The following NT5C2 variants were observed in gnomAD, a reference collection of about 807,000 sequenced individuals.
NT5C2 encodes the protein cytosolic purine 5'-nucleotidase.
Under a neutral mutation model 76.1 loss-of-function variants are expected in NT5C2, and 58 were observed. That is an observed-to-expected ratio of 0.76 (90% CI 0.62 to 0.95). The LOEUF is 0.95. NT5C2 is among the 40% of genes least tolerant of loss of function. The probability of loss-of-function intolerance (pLI) is 0.00; values close to 1 mark genes in which losing one functional copy is unlikely to be tolerated. For missense variants in NT5C2, 478 were observed against 690.3 expected, an observed-to-expected ratio of 0.69 and a Z score of 3.45; for synonymous variants, 229 against 237.4, an observed-to-expected ratio of 0.96 and a Z score of 0.32.
At chr10:103,124,676 G>A (rs1486720126) in intron 4 of NT5C2, among the ~76,000 whole-genome samples, 1 of 151,710 alleles carries the variant, frequency 6.6e-6, no homozygotes, top group African/African-American at 2.4e-5. Flanking sequence ...AAAATTAAAT[G>A]AAGAAACTGA....
intron 3 of NT5C2, among the ~76,000 whole-genome samples, chr10:103,158,855 T>C (rs954116792): frequency 6.6e-6 from 1 of 150,536 alleles, no homozygotes; most frequent in South Asian, 2.1e-4. Context: ...GCAGAGACAT[T>C]ACTACTGACC....
chr10:103,138,142 C>T (rs2079642663), intron 4 of NT5C2, among the ~76,000 whole-genome samples: 1 of 152,166 alleles, frequency 6.6e-6, no homozygotes, highest in South Asian at 2.1e-4. Context: ...CCATATTTGT[C>T]ATGGAGTTTC....
chr10:103,180,082 T>C (rs945953059), intron 2 of NT5C2, among the ~76,000 whole-genome samples: 3 of 152,140 alleles, frequency 2.0e-5, no homozygotes, highest in Non-Finnish European at 4.4e-5. Flanking sequence ...CCAATTAAAA[T>C]ACAGGCAAAA....
At chr10:103,105,256 T>A (rs2070918250) in intron 6 of NT5C2, 1 of 211,206 alleles carries the variant, frequency 4.7e-6, no homozygotes, top group African/African-American at 2.4e-5. Flanking sequence ...ATTCAAAGTT[T>A]AGATTCATTA....
At chr10:103,167,606 T>TA (rs527600989) in intron 3 of NT5C2, among the ~76,000 whole-genome samples, 11 of 147,882 alleles carry the variant, frequency 7.4e-5, no homozygotes, top group South Asian at 2.1e-4. Context: ...GTATGAGGTT[T>TA]AAAAAAAAAA....
At chr10:103,135,951 G>A (rs1338045726) in intron 4 of NT5C2, among the ~76,000 whole-genome samples, 1 of 151,892 alleles carries the variant, frequency 6.6e-6, no homozygotes, top group African/African-American at 2.4e-5. Context: ...GCTGGGTGTG[G>A]TGGTGGGCAC....
At chr10:103,098,868 A>G (rs1274894150) in intron 10 of NT5C2, 63 bp downstream of exon 10, 1 of 1,143,098 alleles carries the variant, frequency 8.7e-7, no homozygotes, top group Non-Finnish European at 1.3e-6. Flanking sequence ...TCAGCTTGTT[A>G]TTAATTTCCC....
Position 103,169,165 on chromosome 10 carries a change from G to GTAA in NT5C2, c.101+5690_101+5692dup, listed in dbSNP as rs1482146491. ...CTCATCACAAAAAAAAATGATAAAT[G>GTAA]TAAGAGGTTATGCATGTTAATTGGC... On this transcript the variant is annotated intron_variant, in intron 3 of 18. Coordinates refer to ENST00000404739, the MANE Select transcript of NT5C2 (RefSeq NM_001351169.2). The GTAA allele has an allele frequency of 2.0e-5, 3 of 152,040 alleles. No homozygotes were observed. In the East Asian group the frequency reaches 5.8e-4, roughly 29 times the overall value. 9.4% of individuals were successfully genotyped at this position (152,040 alleles called of 1,614,324 possible).
chr10:103,159,651 T>TAAA (rs1415676654), intron 3 of NT5C2, among the ~76,000 whole-genome samples: 1 of 134,592 alleles, frequency 7.4e-6, no homozygotes, highest in Non-Finnish European at 1.6e-5. Flanking sequence ...CCTGTCTCTT[T>TAAA]AAAAAAAAAA....
intron 11 of NT5C2, among the ~76,000 whole-genome samples, chr10:103,096,940 A>T (rs2068362237): frequency 6.6e-6 from 1 of 151,880 alleles, no homozygotes; most frequent in Admixed American, 6.6e-5. Flanking sequence ...GTCTTCCAAC[A>T]GCAGGGAAAG....
chr10:103,117,689 T>C (rs982880608), intron 4 of NT5C2, among the ~76,000 whole-genome samples: 4 of 152,186 alleles, frequency 2.6e-5, no homozygotes, highest in Non-Finnish European at 5.9e-5. Context: ...GCAATTGTAT[T>C]TATCCAGAAG....
chr10:103,150,378 CTGAG>C (rs2082194557), intron 3 of NT5C2, among the ~76,000 whole-genome samples: 1 of 152,060 alleles, frequency 6.6e-6, no homozygotes, highest in African/African-American at 2.4e-5. Context: ...TCTTTTATTC[CTGAG>C]TATTTCATTG....
At chr10:103,106,167 A>G (rs2071221628) in intron 5 of NT5C2, among the ~76,000 whole-genome samples, 1 of 152,218 alleles carries the variant, frequency 6.6e-6, no homozygotes, top group African/African-American at 2.4e-5. Flanking sequence ...TGGGATATAT[A>G]TGATAGCATC....
intron 4 of NT5C2, among the ~76,000 whole-genome samples, chr10:103,129,393 G>A: frequency 8.9e-6 from 1 of 112,270 alleles, no homozygotes; most frequent in South Asian, 3.4e-4. Context: ...TCTGGGAGGT[G>A]AGGGGCGCCT....
chr10:103,143,308 C>T (rs530055510), intron 3 of NT5C2, among the ~76,000 whole-genome samples: 7 of 152,096 alleles, frequency 4.6e-5, no homozygotes, highest in African/African-American at 1.4e-4. Flanking sequence ...CAATGGTCTC[C>T]AAAGAAGAGT....
At chr10:103,172,430 G>A (rs1038985358) in intron 3 of NT5C2, among the ~76,000 whole-genome samples, 1 of 150,896 alleles carries the variant, frequency 6.6e-6, no homozygotes, top group African/African-American at 2.4e-5. Context: ...TGTATTTTTA[G>A]TAGAGACGAG....
Position 103,089,726 on chromosome 10 carries a change from A to G in NT5C2, c.1632T>C (p.Ile544=). Residue 544 remains isoleucine (I), a synonymous_variant, in exon 19 of 19, where the codon ATT becomes ATC. Coordinates refer to ENST00000404739, the MANE Select transcript of NT5C2 (RefSeq NM_001351169.2). Reference sequence around the variant, plus strand: ...CATCATCTTCGTCATGGCAGTGTGTAATTTCCTGGGGGGCCAGTGGGAAGA... The same window carrying G: ...CATCATCTTCGTCATGGCAGTGTGTGATTTCCTGGGGGGCCAGTGGGAAGA... ...PNLFPLAPQE[I]THCHDEDDDE... 1.2e-6 allele frequency: 2 copies of G among 1,613,314 alleles called. No individual in the cohort carries two copies. Among genetic ancestry groups the G allele is most frequent in the Non-Finnish European group, 1.7e-6 (2 of 1,179,748 alleles).
chr10:103,106,455 C>T, intron 5 of NT5C2, 134 bp downstream of exon 5: 1 of 656,938 alleles, frequency 1.5e-6, no homozygotes, highest in Admixed American at 2.3e-5. Context: ...CATCAACCAA[C>T]CAAAAAAACA....
chr10:103,153,895 C>T lies in NT5C2; in HGVS notation c.102-14416G>A, dbSNP rs140733168. The T allele has an allele frequency of 2.5e-5, 16 of 643,432 alleles. No homozygotes were observed. In the African/African-American group the frequency reaches 2.8e-4, roughly 11 times the overall value. 39.9% of individuals were successfully genotyped at this position (643,432 alleles called of 1,614,324 possible). A position where few individuals can be genotyped will look rare whatever the true frequency, so the allele number is the denominator to read the frequency against. ...GGAGGAACCTAAAGTATTTCCACAG[C>T]GAGGTATTTTTTTTTCTGACTTCAT... On this transcript the variant is annotated intron_variant, in intron 3 of 18. Transcript: ENST00000404739.
Sources: allele counts gnomAD v4.1 joint callset (sites outside exome capture counted in the v4.1 genomes callset), GRCh38; gene constraint gnomAD v4.1.1; transcripts MANE v1.5; gene names NCBI Gene and HGNC (gene_info 2026-07-23, HGNC 2026-07-21).